The following ACSM3 variants were observed in gnomAD, a reference collection of about 807,000 sequenced individuals.
ACSM3 encodes acyl-CoA synthetase medium chain family member 3.
In ACSM3, 61 loss-of-function variants were observed where a neutral mutation model predicts 74.1. The observed-to-expected ratio is 0.82, with a 90% CI of 0.67 to 1.02. ACSM3 has a LOEUF of 1.02. ACSM3 is among the 50% of genes least tolerant of loss of function. The pLI is 0.00. For missense variants in ACSM3, 660 were observed against 697.0 expected (o/e 0.95, Z 0.60); for synonymous variants, 213 against 241.5 (o/e 0.88, Z 1.09).
intron 12 of ACSM3, among the ~76,000 whole-genome samples, chr16:20,795,697 A>G (rs576368372): frequency 6.6e-6 from 1 of 152,348 alleles, no homozygotes; most frequent in South Asian, 2.1e-4. Flanking sequence ...TTGGAGGTAC[A>G]TACTAGTTGA....
In ACSM3 at chr16:20,790,637, T is replaced by C. The variant is rs2080577104; in HGVS notation, c.1275T>C (p.Ile425=). 2 of 1,614,162 alleles carry C rather than the reference T, an allele frequency of 1.2e-6. No homozygotes were observed. Among genetic ancestry groups the C allele is most frequent in the Admixed American group, 3.3e-5 (2 of 60,018 alleles). The change falls in exon 10 of 14, where the codon ATT becomes ATC. Residue 425 remains isoleucine, a synonymous_variant. Transcript: ENST00000289416. The surrounding 1 kb of genome is among the most constrained non-coding windows in gnomAD (Gnocchi z 4.0). The part of the protein sequence containing the change: ...NVLPPGQEGD[I]GIQVLPNRPF... ...TACCTCCTGGACAAGAAGGAGATAT[T>C]GGCATTCAAGTTCTACCCAACCGAC...
chr16:20,769,758 A>G (rs2080168275), intron 1 of ACSM3, among the ~76,000 whole-genome samples: 2 of 152,220 alleles, frequency 1.3e-5, no homozygotes, highest in South Asian at 4.1e-4. Context: ...TCATTTTCTC[A>G]ATCTGTAAAC....
At chr16:20,690,719 C>T (rs910157491) in intron 1 of ACSM3, among the ~76,000 whole-genome samples, 3 of 152,174 alleles carry the variant, frequency 2.0e-5, no homozygotes, top group African/African-American at 7.2e-5. Context: ...TGCACCTGGT[C>T]ACAATTATAG....
chr16:20,786,790 C>G (rs2080483526), intron 9 of ACSM3, among the ~76,000 whole-genome samples: 1 of 152,200 alleles, frequency 6.6e-6, no homozygotes, highest in Non-Finnish European at 1.5e-5. Flanking sequence ...AAAGAACTCA[C>G]CAGAAGTCAC....
At chr16:20,741,481 G>GGGGGGC in intron 1 of ACSM3, 1 of 1,308,410 alleles carries the variant, frequency 7.6e-7, no homozygotes, top group Non-Finnish European at 9.9e-7. Context: ...CTGGCAGCCG[G>GGGGGGC]CCCGCCCGCC....
intron 3 of ACSM3, among the ~76,000 whole-genome samples, chr16:20,777,126 T>C (rs1044651559): frequency 5.9e-5 from 9 of 152,214 alleles, no homozygotes; most frequent in African/African-American, 9.6e-5. Flanking sequence ...ATGTTAGGGA[T>C]GGTCTTCAAA....
chr16:20,796,329 TG>T (rs2080722856), intron 12 of ACSM3, 40 bp from the exon 13 acceptor site: 1 of 1,600,018 alleles, frequency 6.2e-7, no homozygotes. Context: ...AACATACAAA[TG>T]CATAACTCAT....
intron 1 of ACSM3, among the ~76,000 whole-genome samples, chr16:20,722,901 A>C (rs1341816096): frequency 6.6e-6 from 1 of 152,166 alleles, no homozygotes; most frequent in South Asian, 2.1e-4. Context: ...TATTAGTATT[A>C]TTATTATACT....
intron 10 of ACSM3, 75 bp from the exon 11 acceptor site, chr16:20,791,927 G>GAAAA: frequency 3.9e-6 from 5 of 1,290,136 alleles, no homozygotes; most frequent in Non-Finnish European, 4.2e-6. Context: ...GACTGTCTCG[G>GAAAA]AAAAAAAAAA....
At chr16:20,772,440 C>T (rs1262730729) in intron 2 of ACSM3, among the ~76,000 whole-genome samples, 1 of 151,976 alleles carries the variant, frequency 6.6e-6, no homozygotes, top group Admixed American at 6.6e-5. Context: ...TTGCCTTGAT[C>T]AATGACTTGA....
At chr16:20,741,927 C>A (rs1056054771) in intron 1 of ACSM3, 54 of 1,533,590 alleles carry the variant, frequency 3.5e-5, no homozygotes, top group Middle Eastern at 1.7e-4. Context: ...GAGTGATACC[C>A]GCCCAAGCCC....
chr16:20,741,480 G>GGGGGGGGGGGGGC, intron 1 of ACSM3: 10 of 1,340,410 alleles, frequency 7.5e-6, no homozygotes, highest in Non-Finnish European at 9.7e-6. Context: ...CCTGGCAGCC[G>GGGGGGGGGGGGGC]GCCCGCCCGC....
chr16:20,778,575 A>G (rs538246862), intron 4 of ACSM3, among the ~76,000 whole-genome samples: 3 of 152,344 alleles, frequency 2.0e-5, no homozygotes, highest in African/African-American at 7.2e-5. Flanking sequence ...ACACAGCTGA[A>G]TAAGGTCAAA....
At chr16:20,697,420 A>C (rs1221573599) in intron 1 of ACSM3, among the ~76,000 whole-genome samples, 2 of 152,076 alleles carry the variant, frequency 1.3e-5, no homozygotes. Flanking sequence ...AACATATTAC[A>C]TGTACGTTCC....
chr16:20,774,239 C>CTTTTT (rs71377684), intron 2 of ACSM3, among the ~76,000 whole-genome samples: 11 of 114,004 alleles, frequency 9.6e-5, no homozygotes, highest in African/African-American at 3.1e-4. Context: ...TTTTCTGTGT[C>CTTTTT]TTTTTTTTTT....
At chr16:20,701,687 C>A (rs2079713252) in intron 1 of ACSM3, among the ~76,000 whole-genome samples, 1 of 152,132 alleles carries the variant, frequency 6.6e-6, no homozygotes, top group African/African-American at 2.4e-5. Flanking sequence ...TGCTCTCCCT[C>A]CCTTTCCTCC....
At chr16:20,685,376 A>G (rs747650150) in intron 1 of ACSM3, 21 of 1,614,156 alleles carry the variant, frequency 1.3e-5, no homozygotes, top group Non-Finnish European at 1.8e-5. Context: ...ACCCACCAAA[A>G]AGCTGGATTT....
chr16:20,741,920 T>C, intron 1 of ACSM3: 1 of 1,533,444 alleles, frequency 6.5e-7, no homozygotes, highest in Middle Eastern at 1.7e-4. Context: ...AGGGGTGGAG[T>C]GATACCCGCC....
chr16:20,691,893 G>A (rs1390368778), intron 1 of ACSM3, among the ~76,000 whole-genome samples: 1 of 151,912 alleles, frequency 6.6e-6, no homozygotes, highest in East Asian at 1.9e-4. Flanking sequence ...TTCCTATCAT[G>A]TGGAGACAGC....
Sources: gnomAD v4.1 joint callset for allele counts (sites outside exome capture counted in the v4.1 genomes callset) on GRCh38, gnomAD v4.1.1 for gene constraint, Gnocchi (gnomAD v3.1) non-coding constraint, MANE v1.5 for transcripts, NCBI Gene and HGNC (gene_info 2026-07-23, HGNC 2026-07-21) for gene names.